BAG6: variants seen among roughly 807,000 people sequenced by gnomAD.
BAG6 encodes the protein large proline-rich protein BAG6.
In BAG6, 22 loss-of-function variants were observed where a neutral mutation model predicts 121.0. The ratio of observed to expected loss-of-function variants is 0.18; its 90% CI spans 0.13 to 0.26. BAG6 has a LOEUF of 0.26. Ranked by LOEUF, BAG6 falls within the 10% of genes least tolerant of loss-of-function variation. The probability of loss-of-function intolerance (pLI) is 1.00; values close to 1 mark genes in which losing one functional copy is unlikely to be tolerated. For missense variants in BAG6, 1,233 were observed against 1,537.7 expected, an observed-to-expected ratio of 0.80 and a Z score of 3.31; for synonymous variants, 583 against 584.6, an observed-to-expected ratio of 1.00 and a Z score of 0.04.
rs1782400234 is a variant in BAG6, at chr6:31,641,234, G to A, written c.2663-6C>T. On this transcript the variant is annotated splice_polypyrimidine_tract_variant and splice_region_variant and intron_variant, in intron 19 of 25. Coordinates refer to ENST00000676615, the MANE Select transcript of BAG6 (RefSeq NM_001387994.1). This position sits in a 1 kb window ranked among gnomAD's most constrained non-coding sequence, Gnocchi z 5.7. ...CCGGGCCCCAAATCCACTATCTGTG[G>A]GCAAAATACAAGGAGGGAATGCTGG... The A allele has an allele frequency of 1.2e-6, 2 of 1,614,168 alleles. No individual in the cohort carries two copies. The highest frequency in any genetic ancestry group is 1.7e-6 in the Non-Finnish European group (2 of 1,180,020).
rs1784600496 is a variant in BAG6 at position 31,643,127 on chromosome 6, C to G, written c.1757-12G>C. 1 of 1,543,422 alleles carries G rather than the reference C, an allele frequency of 6.5e-7. No individual in the cohort carries two copies. Among genetic ancestry groups the G allele is most frequent in the South Asian group, 1.2e-5 (1 of 82,924 alleles). On this transcript the variant is annotated splice_polypyrimidine_tract_variant and intron_variant, in intron 14 of 25. Transcript: ENST00000676615. ...TGGGGTCCCCTGAGCTGTAAGAAAC[C>G]AAAAAAAGAAAGCTGGGCTGAGCAT...
In BAG6 at chr6:31,640,734, C is replaced by T. The variant is rs1429700333; in HGVS notation, c.2935-30G>A. 2 of 1,613,000 alleles carry T rather than the reference C, an allele frequency of 1.2e-6. No homozygotes were observed. The highest frequency in any genetic ancestry group is 3.3e-5 in the Admixed American group (2 of 60,028). On this transcript the variant is annotated intron_variant, in intron 21 of 25. Coordinates refer to ENST00000676615, the MANE Select transcript of BAG6 (RefSeq NM_001387994.1). This position sits in a 1 kb window ranked among gnomAD's most constrained non-coding sequence, Gnocchi z 4.2. ...GAAATTAAAGAACACCATACTTCCT[C>T]TCAGATCTCTCCAGTTCTCTCAAGT...
At chr6:31,652,006 C>A (rs1583489946) in intron 1 of BAG6, 3 of 474,418 alleles carry the variant, frequency 6.3e-6, no homozygotes, top group Middle Eastern at 1.2e-3. Context: ...AGGGGCTCCA[C>A]GACGCCAATC....
rs777477822 is a variant in BAG6 at position 31,641,431 on chromosome 6, CAAGAT to C, written c.2560-14_2560-10del. The C allele has an allele frequency of 6.8e-6, 11 of 1,614,144 alleles. No individual in the cohort carries two copies. In the South Asian group the frequency reaches 9.9e-5, roughly 14 times the overall value. ...TGAACCTGCACCAAGGACTGAGAGA[CAAGAT>C]AACACAAAGATCCCAAAATCAAGAA... On this transcript the variant is annotated splice_polypyrimidine_tract_variant and intron_variant, in intron 18 of 25. Transcript: ENST00000676615. This position sits in a 1 kb window ranked among gnomAD's most constrained non-coding sequence, Gnocchi z 5.7.
chr6:31,649,504 C>T lies in BAG6; in HGVS notation c.226+6G>A, dbSNP rs745670659. The T allele has an allele frequency of 1.2e-6, 2 of 1,614,114 alleles. No individual in the cohort carries two copies. Among genetic ancestry groups the T allele is most frequent in the Non-Finnish European group, 1.7e-6 (2 of 1,179,930 alleles). On this transcript the variant is annotated splice_donor_region_variant and intron_variant, in intron 3 of 25. Transcript: ENST00000676615. ...AACCTCTGAACTGCCTCCCCAGCCC[C>T]CTTACTGTATTCCTGAAGCTTCTTA... is the stretch of plus-strand genomic sequence containing the variant.
At position 31,641,453 on chromosome 6, in the gene BAG6, A is replaced by ATT. The variant is rs776417294; in HGVS notation, c.2560-32_2560-31insAA. On this transcript the variant is annotated intron_variant, in intron 18 of 25. Coordinates refer to ENST00000676615, the MANE Select transcript of BAG6 (RefSeq NM_001387994.1). This position sits in a 1 kb window ranked among gnomAD's most constrained non-coding sequence, Gnocchi z 5.7. ...AGACAAGATAACACAAAGATCCCAA[A>ATT]ATCAAGAATCATAAGACTGGGAGTG... 5 of 1,613,702 alleles carry ATT rather than the reference A, an allele frequency of 3.1e-6. No individual in the cohort carries two copies. The East Asian group carries it at 1.1e-4, about 36-fold the overall frequency.
chr6:31,642,518 A>C (rs1783941143), intron 15 of BAG6, 115 bp from the exon 16 acceptor site: 1 of 645,756 alleles, frequency 1.5e-6, no homozygotes, highest in South Asian at 1.9e-5. Flanking sequence ...GGGGAGTTAC[A>C]TTCTGATCTT....
At chr6:31,652,330 C>CACACACAA (rs1798017147) in intron 1 of BAG6, 94 bp downstream of exon 1, 1 of 145,524 alleles carries the variant, frequency 6.9e-6, no homozygotes, top group Non-Finnish European at 1.5e-5. Context: ...AACACACACA[C>CACACACAA]ACACACACAC....
intron 2 of BAG6, among the ~76,000 whole-genome samples, chr6:31,651,398 G>T (rs1414071427): frequency 6.6e-6 from 1 of 152,142 alleles, no homozygotes; most frequent in Non-Finnish European, 1.5e-5. Context: ...AATCAGCTGG[G>T]TATAGTGGCA....
rs939576826 is a variant in BAG6 at position 31,644,367 on chromosome 6, C to T, written c.1495G>A (p.Ala499Thr). Reference protein sequence around the residue: ...LPSLPPEFMHAVAHQITHQAM... With the variant: ...LPSLPPEFMHTVAHQITHQAM... ...TGATGAGTGATCTGGTGGGCGACGG[C>T]GTGCATGAACTCAGGGGGCAGGGAG... The change falls in exon 12 of 26, where the codon GCC (alanine) becomes ACC (threonine). Residue 499 changes from alanine to threonine, a missense_variant. Physicochemically the swap from Ala to Thr is moderately conservative, Grantham distance 58. Coordinates refer to ENST00000676615, the MANE Select transcript of BAG6 (RefSeq NM_001387994.1). The surrounding 1 kb of genome is among the most constrained non-coding windows in gnomAD (Gnocchi z 4.9). 7 of 1,551,500 alleles carry T rather than the reference C, an allele frequency of 4.5e-6. No homozygotes were observed. Among genetic ancestry groups the T allele is most frequent in the Admixed American group, 2.0e-5 (1 of 51,004 alleles).
In BAG6 at chr6:31,647,681, A is replaced by G; in HGVS notation, c.698T>C (p.Val233Ala). The change falls in exon 7 of 26, where the codon GTG becomes GCG. Residue 233 changes from valine (V) to alanine (A), a missense_variant. Val to Ala is a moderately conservative substitution (Grantham distance 64). Coordinates refer to ENST00000676615, the MANE Select transcript of BAG6 (RefSeq NM_001387994.1). ...PPREPMEAEE[V>A]EERAPAQNPE... is the part of the protein sequence containing the mutation. ...GTTCTGGGCTGGGGCACGCTCCTCC[A>G]CTTCTTCTGCCTCCATGGGCTCCCG... The G allele has an allele frequency of 6.2e-7, 1 of 1,604,472 alleles. No homozygotes were observed. The highest frequency in any genetic ancestry group is 8.5e-7 in the Non-Finnish European group (1 of 1,176,778).
At chr6:31,649,108 T>G in intron 4 of BAG6, 91 bp downstream of exon 4, 1 of 1,548,858 alleles carries the variant, frequency 6.5e-7, no homozygotes, top group Non-Finnish European at 8.9e-7. Flanking sequence ...GAACCCAATC[T>G]AAAGATGGAA....
chr6:31,651,234 G>A (rs995993372), intron 2 of BAG6, among the ~76,000 whole-genome samples: 7 of 152,166 alleles, frequency 4.6e-5, no homozygotes, highest in Non-Finnish European at 1.0e-4. Context: ...ACGAACAAAG[G>A]GATCAATAAA....
chr6:31,645,880 C>T (rs971384962), intron 8 of BAG6, among the ~76,000 whole-genome samples: 3 of 152,164 alleles, frequency 2.0e-5, no homozygotes, highest in Non-Finnish European at 4.4e-5. Context: ...ACAAGGGGTA[C>T]GATACGAGGA....
In BAG6 at chr6:31,643,015, C is replaced by T. The variant is rs771215723; in HGVS notation, c.1857G>A (p.Gly619=). 2.1e-5 allele frequency: 33 copies of T among 1,591,058 alleles called. No individual in the cohort carries two copies. In the South Asian group the frequency reaches 3.1e-4, roughly 15 times the overall value. Residue 619 remains glycine (G), a synonymous_variant, in exon 15 of 26, where the codon GGG becomes GGA. Transcript: ENST00000676615. ...GGGTGGGTGGAGGCTGGGCAGGCCCCCCAGGAGCGGGGCCAGCTGTGGTAG... is the reference window on the plus strand; with the variant it reads ...GGGTGGGTGGAGGCTGGGCAGGCCCTCCAGGAGCGGGGCCAGCTGTGGTAG... ...NTATTAGPAP[G]GPAQPPPTPQ...
chr6:31,639,707 G>C lies in BAG6; in HGVS notation c.3247-61C>G. The C allele has an allele frequency of 2.6e-6, 4 of 1,545,174 alleles. No individual in the cohort carries two copies. The South Asian group carries it at 4.9e-5, about 19-fold the overall frequency. ...AACGTCAGATCCAGTGCCACCATCC[G>C]GCTCACCCTTTCCATGAGTCAACCA... On this transcript the variant is annotated intron_variant, in intron 24 of 25. Coordinates refer to ENST00000676615, the MANE Select transcript of BAG6 (RefSeq NM_001387994.1).
chr6:31,645,749 C>G, intron 8 of BAG6, 145 bp from the exon 9 acceptor site: 1 of 947,246 alleles, frequency 1.1e-6, no homozygotes, highest in Non-Finnish European at 1.6e-6. Context: ...TAGACCAAAT[C>G]TTTGCAAATA....
chr6:31,651,562 T>A, intron 2 of BAG6, 94 bp downstream of exon 2: 1 of 1,154,586 alleles, frequency 8.7e-7, no homozygotes, highest in Non-Finnish European at 1.3e-6. Context: ...AAAAAGAAAA[T>A]CTGGTGACCA....
rs934356194 is a variant in BAG6 at position 31,640,079 on chromosome 6, A to ATT, written c.3246+118_3246+119dup. The ATT allele has an allele frequency of 5.9e-6, 6 of 1,021,208 alleles. No homozygotes were observed. The African/African-American group carries it at 9.7e-5, about 17-fold the overall frequency. The allele number at this position is 1,021,208 out of a possible 1,614,324, so 63.3% of individuals were successfully genotyped here. On this transcript the variant is annotated intron_variant, in intron 24 of 25. Coordinates refer to ENST00000676615, the MANE Select transcript of BAG6 (RefSeq NM_001387994.1). The surrounding 1 kb of genome is among the most constrained non-coding windows in gnomAD (Gnocchi z 4.2). ...TCTGAATCCCAGAAAAAGTTTCCTC[A>ATT]TTAAACGAGGGGAGGGGAGACTGAA...
Sources: gnomAD v4.1 joint callset for allele counts (sites outside exome capture counted in the v4.1 genomes callset) on GRCh38, gnomAD v4.1.1 for gene constraint, Gnocchi (gnomAD v3.1) non-coding constraint, MANE v1.5 for transcripts, NCBI Gene and HGNC (gene_info 2026-07-23, HGNC 2026-07-21) for gene names.